The following SLC4A4 variants were observed in gnomAD, a reference collection of about 807,000 sequenced individuals.
SLC4A4 encodes the protein electrogenic sodium bicarbonate cotransporter 1.
In SLC4A4, 27 loss-of-function variants were observed where a neutral mutation model predicts 111.5. The ratio of observed to expected loss-of-function variants is 0.24; its 90% confidence interval spans 0.18 to 0.33. SLC4A4 has a LOEUF of 0.33. Among genes scored for constraint, SLC4A4 ranks in the 10% least tolerant of loss-of-function variants. SLC4A4 has a pLI of 1.00. For missense variants in SLC4A4, 909 were observed against 1,315.5 expected (o/e 0.69, Z 4.78); for synonymous variants, 443 against 463.4 (o/e 0.96, Z 0.57).
chr4:71,109,597 C>T (rs945841225), intron 2 of SLC4A4, among the ~76,000 whole-genome samples: 2 of 151,426 alleles, frequency 1.3e-5, no homozygotes, highest in African/African-American at 2.4e-5. Context: ...GGCCAGAGTA[C>T]GGTGGCACCA....
chr4:71,193,423 T>G (rs1042745191), intron 1 of SLC4A4, among the ~76,000 whole-genome samples: 4 of 152,186 alleles, frequency 2.6e-5, no homozygotes, highest in Non-Finnish European at 2.9e-5. Context: ...CCTCCCAAAG[T>G]GCTGAGATTA....
At chr4:71,217,521 TC>T (rs1245626973) in intron 1 of SLC4A4, among the ~76,000 whole-genome samples, 22 of 152,124 alleles carry the variant, frequency 1.4e-4, no homozygotes, top group Admixed American at 2.6e-4. Context: ...TGAGATCGTG[TC>T]ACTGCACTCC....
intron 7 of SLC4A4, among the ~76,000 whole-genome samples, chr4:71,416,178 T>A (rs966876616): frequency 5.9e-5 from 9 of 152,216 alleles, no homozygotes; most frequent in Non-Finnish European, 1.2e-4. Context: ...TTGGTTTGAA[T>A]CTTCGTTCTG....
At chr4:71,155,936 G>A in intron 2 of SLC4A4, among the ~76,000 whole-genome samples, 1 of 152,150 alleles carries the variant, frequency 6.6e-6, no homozygotes. Context: ...GGTAATATAT[G>A]TACGCATAAA....
chr4:71,503,571 C>G (rs1731135214), intron 16 of SLC4A4, among the ~76,000 whole-genome samples: 1 of 152,020 alleles, frequency 6.6e-6, no homozygotes. Flanking sequence ...CGTTAAAATA[C>G]TTTAGACTTT....
intron 8 of SLC4A4, among the ~76,000 whole-genome samples, chr4:71,443,504 C>A (rs1724959958): frequency 6.6e-6 from 1 of 151,932 alleles, no homozygotes; most frequent in African/African-American, 2.4e-5. Flanking sequence ...TACCATTTTG[C>A]AGTTGAGAGA....
chr4:71,107,866 T>G (rs1233763738), intron 2 of SLC4A4, among the ~76,000 whole-genome samples: 1 of 30,716 alleles, frequency 3.3e-5, no homozygotes, highest in African/African-American at 4.3e-5. Flanking sequence ...CACCACCATG[T>G]CTAATTTTTA....
At chr4:71,256,309 A>G (rs1196513558) in intron 3 of SLC4A4, among the ~76,000 whole-genome samples, 3 of 152,216 alleles carry the variant, frequency 2.0e-5, no homozygotes, top group Non-Finnish European at 4.4e-5. Context: ...GGGTTCAGTC[A>G]TTGCAGTTGA....
intron 2 of SLC4A4, among the ~76,000 whole-genome samples, chr4:71,179,460 C>T (rs537208994): frequency 5.9e-5 from 9 of 152,230 alleles, no homozygotes; most frequent in East Asian, 1.9e-4. Context: ...AAAACCCCAT[C>T]GTCTCAGCCC....
intron 7 of SLC4A4, among the ~76,000 whole-genome samples, chr4:71,398,240 G>A (rs1720010740): frequency 6.8e-6 from 1 of 147,866 alleles, no homozygotes; most frequent in Non-Finnish European, 1.5e-5. Context: ...CACTGAGATC[G>A]CACCACTGTG....
rs147252944 is a variant in SLC4A4, at chr4:71,512,505, CTTGAG to C, written c.2166+14816_2166+14820del. On this transcript the variant is annotated intron_variant, in intron 16 of 25. Transcript: ENST00000264485. Reference sequence around the variant, plus strand: ...AAATGGAATTATTTGTTTTTCTTTTCTTGAGTTAAGTACCTTGTATATTCTAAGGT... The same window carrying C: ...AAATGGAATTATTTGTTTTTCTTTTCTTAAGTACCTTGTATATTCTAAGGT... Among the ~76,000 whole-genome samples the C allele has an allele frequency of 1.5e-3, 222 of 151,972 alleles. 1 individual carries two copies. The highest frequency in any genetic ancestry group is 5.1e-3 in the African/African-American group (211 of 41,474).
intron 2 of SLC4A4, among the ~76,000 whole-genome samples, chr4:71,108,184 G>A (rs1578487514): frequency 6.6e-6 from 1 of 152,156 alleles, no homozygotes; most frequent in Admixed American, 6.5e-5. Context: ...AAAACAAAAT[G>A]TAACCAAAAT....
intron 3 of SLC4A4, among the ~76,000 whole-genome samples, chr4:71,327,312 A>G (rs1399764972): frequency 1.3e-5 from 2 of 152,066 alleles, no homozygotes; most frequent in Non-Finnish European, 2.9e-5. Context: ...TTTACTGCCT[A>G]TATTGTTCAT....
intron 14 of SLC4A4, among the ~76,000 whole-genome samples, chr4:71,480,694 T>C (rs1728793293): frequency 6.6e-6 from 1 of 151,776 alleles, no homozygotes; most frequent in African/African-American, 2.4e-5. Context: ...TTAAATGTAA[T>C]GGAATAAAAC....
At chr4:71,455,986 T>G (rs1366722704) in intron 12 of SLC4A4, among the ~76,000 whole-genome samples, 1 of 152,198 alleles carries the variant, frequency 6.6e-6, no homozygotes, top group Non-Finnish European at 1.5e-5. Context: ...TGGAATTAGC[T>G]ATTTTCTGTG....
At chr4:71,076,997 T>TACATATACATATATATGTGTAAAAAC (rs1741850628) in intron 1 of SLC4A4, among the ~76,000 whole-genome samples, 2 of 150,398 alleles carry the variant, frequency 1.3e-5, no homozygotes, top group African/African-American at 4.9e-5. Context: ...CAAAAAAAAA[T>TACATATACATATATATGTGTAAAAAC]ACATATACAT....
At chr4:71,174,794 G>C (rs2579335) in intron 2 of SLC4A4, among the ~76,000 whole-genome samples, 27,509 of 152,130 alleles carry the variant, frequency 0.18, 5,602 homozygotes, top group African/African-American at 0.5. Flanking sequence ...CCAGGCTGGA[G>C]TGCAGTGGCA....
chr4:71,144,829 A>G (rs1279413763), intron 2 of SLC4A4, among the ~76,000 whole-genome samples: 2 of 152,188 alleles, frequency 1.3e-5, no homozygotes, highest in Non-Finnish European at 2.9e-5. Flanking sequence ...GTTGCTTATC[A>G]GCTTAAGGGG....
intron 16 of SLC4A4, among the ~76,000 whole-genome samples, chr4:71,519,135 G>C (rs1732693501): frequency 6.6e-6 from 1 of 152,168 alleles, no homozygotes; most frequent in South Asian, 2.1e-4. Context: ...TTTAATCAGT[G>C]CCTAGTTGTT....
Sources: allele counts gnomAD v4.1 joint callset (sites outside exome capture counted in the v4.1 genomes callset), GRCh38; gene constraint gnomAD v4.1.1; transcripts MANE v1.5; gene names NCBI Gene and HGNC (gene_info 2026-07-23, HGNC 2026-07-21).